Variants in CNBD1 observed in about 807,000 individuals in gnomAD.
CNBD1 encodes cyclic nucleotide-binding domain-containing protein 1.
In CNBD1, 71 loss-of-function variants were observed where a neutral mutation model predicts 54.4. The ratio of observed to expected loss-of-function variants is 1.30; its 90% confidence interval spans 1.08 to 1.59. The LOEUF (loss-of-function observed/expected upper bound fraction) is 1.59. Among genes scored for constraint, CNBD1 ranks in the 40% most tolerant of loss-of-function variants. The probability of loss-of-function intolerance (pLI) is 0.00; values close to 1 mark genes in which losing one functional copy is unlikely to be tolerated. For synonymous variants in CNBD1, 182 were observed against 170.7 expected, an observed-to-expected ratio of 1.07 and a Z score of -0.51; for missense variants, 659 against 518.0, an observed-to-expected ratio of 1.27 and a Z score of -2.64.
intron 8 of CNBD1, among the ~76,000 whole-genome samples, chr8:87,315,439 A>G (rs757028796): frequency 6.6e-6 from 1 of 151,878 alleles, no homozygotes; most frequent in Non-Finnish European, 1.5e-5. Context: ...TGGTGCAGGC[A>G]TCTACTTGGC....
chr8:87,302,439 C>T (rs1258156206), intron 8 of CNBD1, among the ~76,000 whole-genome samples: 2 of 136,646 alleles, frequency 1.5e-5, no homozygotes, highest in East Asian at 2.0e-4. Flanking sequence ...AATTCAACAA[C>T]CCTTCATGCT....
At chr8:87,259,331 G>A (rs1243551747) in intron 6 of CNBD1, among the ~76,000 whole-genome samples, 1 of 151,976 alleles carries the variant, frequency 6.6e-6, no homozygotes, top group African/African-American at 2.4e-5. Context: ...CATATCCCTA[G>A]GCCTTATTTA....
At position 87,063,687 on chromosome 8, in the gene CNBD1, A is replaced by G. The variant is rs575794938; in HGVS notation, c.431+123933A>G. ...TTTTAATCAGGGTTCTATTATCTAT[A>G]TATTTATTTGAGGAAAATTGACATA... On this transcript the variant is annotated intron_variant, in intron 4 of 10. Coordinates refer to ENST00000518476, the MANE Select transcript of CNBD1 (RefSeq NM_173538.3). 9.2e-5 allele frequency among the ~76,000 whole-genome samples: 14 copies of G among 152,168 alleles called. No individual in the cohort carries two copies. In the East Asian group the frequency reaches 2.1e-3, roughly 23 times the overall value.
chr8:87,023,606 T>C (rs1809534551), intron 4 of CNBD1, among the ~76,000 whole-genome samples: 1 of 152,226 alleles, frequency 6.6e-6, no homozygotes, highest in Admixed American at 6.5e-5. Context: ...TGTCATATAT[T>C]TCTTTAAGTC....
chr8:86,937,894 T>C (rs994193132), intron 3 of CNBD1, among the ~76,000 whole-genome samples: 2 of 152,196 alleles, frequency 1.3e-5, no homozygotes, highest in Non-Finnish European at 1.5e-5. Flanking sequence ...CCTCAGAAAA[T>C]AGGTTTTTCT....
At chr8:87,160,855 T>G (rs1812843633) in intron 4 of CNBD1, among the ~76,000 whole-genome samples, 1 of 152,118 alleles carries the variant, frequency 6.6e-6, no homozygotes, top group Admixed American at 6.6e-5. Flanking sequence ...GAGAACACTC[T>G]TTGATGATTG....
chr8:86,935,497 ATTTG>A (rs1809532268), intron 3 of CNBD1, among the ~76,000 whole-genome samples: 2 of 152,250 alleles, frequency 1.3e-5, no homozygotes, highest in Admixed American at 1.3e-4. Flanking sequence ...TTTTGTAAGT[ATTTG>A]TTCATCTAAA....
chr8:86,885,313 G>A (rs1320717335), intron 1 of CNBD1, among the ~76,000 whole-genome samples: 1 of 152,090 alleles, frequency 6.6e-6, no homozygotes, highest in Admixed American at 6.5e-5. Context: ...ATAATATACA[G>A]TGGGCCTTAT....
At chr8:87,359,720 A>G (rs756414861) in intron 10 of CNBD1, among the ~76,000 whole-genome samples, 1 of 152,086 alleles carries the variant, frequency 6.6e-6, no homozygotes, top group Non-Finnish European at 1.5e-5. Flanking sequence ...AATGAGTCTT[A>G]AATATATCAA....
At chr8:87,145,629 A>C (rs563748794) in intron 4 of CNBD1, among the ~76,000 whole-genome samples, 3 of 152,198 alleles carry the variant, frequency 2.0e-5, no homozygotes, top group African/African-American at 7.2e-5. Flanking sequence ...ATAAGATGGG[A>C]TTGATTAGAT....
chr8:87,286,728 G>T (rs1317414462), intron 8 of CNBD1, 57 bp downstream of exon 8: 3 of 1,167,022 alleles, frequency 2.6e-6, no homozygotes, highest in South Asian at 1.5e-5. Context: ...TATTGGAATT[G>T]AAATTCTTCA....
intron 6 of CNBD1, among the ~76,000 whole-genome samples, chr8:87,246,754 A>C (rs1807814134): frequency 6.6e-6 from 1 of 151,992 alleles, no homozygotes; most frequent in African/African-American, 2.4e-5. Context: ...TTGTCACCAG[A>C]GATCAGTGTT....
At chr8:87,368,542 G>A (rs1156499397) in intron 10 of CNBD1, among the ~76,000 whole-genome samples, 1 of 151,748 alleles carries the variant, frequency 6.6e-6, no homozygotes, top group East Asian at 2.0e-4. Flanking sequence ...GTGGACTAAG[G>A]CAGGAGGATC....
chr8:86,974,100 A>C (rs1808286735), intron 4 of CNBD1, among the ~76,000 whole-genome samples: 1 of 152,150 alleles, frequency 6.6e-6, no homozygotes, highest in African/African-American at 2.4e-5. Context: ...TAAATGTTCA[A>C]AAATGTAATT....
intron 8 of CNBD1, among the ~76,000 whole-genome samples, chr8:87,306,893 C>T (rs1447491752): frequency 6.6e-6 from 1 of 151,908 alleles, no homozygotes; most frequent in Non-Finnish European, 1.5e-5. Flanking sequence ...ACCACCTGTA[C>T]CCAAATAATT....
chr8:87,404,801 A>G (rs1232045118), intron 2 of CNBD1, among the ~76,000 whole-genome samples: 1 of 150,544 alleles, frequency 6.6e-6, no homozygotes, highest in Non-Finnish European at 1.5e-5. Flanking sequence ...GCTACTAGTC[A>G]GTCATCCTTT....
chr8:87,406,245 T>C (rs1331052218), intron 2 of CNBD1, among the ~76,000 whole-genome samples: 1 of 152,094 alleles, frequency 6.6e-6, no homozygotes, highest in Non-Finnish European at 1.5e-5. Flanking sequence ...TGAAAATTGT[T>C]CATAAACATC....
At chr8:87,228,717 A>T (rs534758748) in intron 5 of CNBD1, among the ~76,000 whole-genome samples, 1 of 151,862 alleles carries the variant, frequency 6.6e-6, no homozygotes, top group Non-Finnish European at 1.5e-5. Flanking sequence ...CTGCCCCCAG[A>T]GGTGGAGCCT....
At chr8:86,916,002 A>G (rs1809178590) in intron 3 of CNBD1, among the ~76,000 whole-genome samples, 1 of 152,200 alleles carries the variant, frequency 6.6e-6, no homozygotes, top group African/African-American at 2.4e-5. Flanking sequence ...CTTTTGATGT[A>G]TCTTCCCTTA....
Sources: allele counts gnomAD v4.1 joint callset (sites outside exome capture counted in the v4.1 genomes callset), GRCh38; gene constraint gnomAD v4.1.1; transcripts MANE v1.5; gene names NCBI Gene and HGNC (gene_info 2026-07-23, HGNC 2026-07-21).